Variants in EXD1 observed in about 807,000 individuals in gnomAD.
EXD1 encodes the protein piRNA biogenesis protein EXD1.
Under a neutral mutation model 49.1 loss-of-function variants are expected in EXD1, and 63 were observed. The observed-to-expected ratio is 1.28, with a 90% CI of 1.05 to 1.58. The LOEUF (loss-of-function observed/expected upper bound fraction) is 1.58, where lower values mean the gene tolerates loss of function less well. EXD1 is among the 40% of genes most tolerant of loss of function. EXD1 has a pLI of 0.00. For missense variants in EXD1, 748 were observed against 666.0 expected, an observed-to-expected ratio of 1.12 and a Z score of -1.36; for synonymous variants, 234 against 239.2, an observed-to-expected ratio of 0.98 and a Z score of 0.20.
chr15:41,198,705 A>G (rs992987042), intron 7 of EXD1, among the ~76,000 whole-genome samples: 8 of 151,370 alleles, frequency 5.3e-5, no homozygotes, highest in Non-Finnish European at 1.0e-4. Context: ...TTAATTAAAA[A>G]AAATTTTTTT....
At chr15:41,197,830 T>C (rs1237412153) in intron 7 of EXD1, among the ~76,000 whole-genome samples, 1 of 143,234 alleles carries the variant, frequency 7.0e-6, no homozygotes, top group African/African-American at 2.5e-5. Flanking sequence ...TTCACTATGT[T>C]GGCCAGGCTG....
At chr15:41,204,266 A>C (rs888495247) in intron 7 of EXD1, among the ~76,000 whole-genome samples, 33 of 125,222 alleles carry the variant, frequency 2.6e-4, no homozygotes, top group Non-Finnish European at 3.4e-5. Context: ...AAAAAAAAAA[A>C]TCAGCCAGGC....
At chr15:41,220,645 C>T (rs559598076) in intron 2 of EXD1, among the ~76,000 whole-genome samples, 1 of 152,156 alleles carries the variant, frequency 6.6e-6, no homozygotes, top group Non-Finnish European at 1.5e-5. Context: ...GATCCAAATC[C>T]TGGCTCTCCT....
intron 6 of EXD1, among the ~76,000 whole-genome samples, chr15:41,215,426 C>T (rs1322415886): frequency 6.6e-6 from 1 of 152,068 alleles, no homozygotes; most frequent in Non-Finnish European, 1.5e-5. Flanking sequence ...GTGGCTCATG[C>T]CTGTAATCCC....
At chr15:41,199,662 T>G (rs1225673191) in intron 7 of EXD1, among the ~76,000 whole-genome samples, 4 of 110,526 alleles carry the variant, frequency 3.6e-5, no homozygotes, top group African/African-American at 1.3e-4. Context: ...ATATATATGA[T>G]ATACACATTA....
rs759821677 is a variant in EXD1 at position 41,196,010 on chromosome 15, A to G, written c.562T>C (p.Phe188Leu). The G allele has an allele frequency of 4.3e-6, 7 of 1,613,346 alleles. No homozygotes were observed. Among genetic ancestry groups the G allele is most frequent in the Admixed American group, 1.7e-5 (1 of 59,874 alleles). The change falls in exon 8 of 12, where the codon TTT becomes CTT. Residue 188 changes from phenylalanine to leucine, a missense_variant. By Grantham distance (22) the Phe-to-Leu change is conservative (BLOSUM62 0). Coordinates refer to ENST00000458580, the MANE Select transcript of EXD1 (RefSeq NM_001286441.2). The part of the protein sequence containing the change: ...QVATNCRVYL[F>L]DIFLLGSRAF... ...CGACTTCCCAGAAGGAAAATGTCAA[A>G]TAAGTAAACTCGGCAATTTGTGGCC...
chr15:41,200,127 C>T (rs2046705038), intron 7 of EXD1, among the ~76,000 whole-genome samples: 1 of 151,998 alleles, frequency 6.6e-6, no homozygotes, highest in Non-Finnish European at 1.5e-5. Flanking sequence ...CCAGGTTAGT[C>T]TCCAACTCCG....
chr15:41,217,562 G>A (rs1233767212), intron 3 of EXD1, among the ~76,000 whole-genome samples: 3 of 129,508 alleles, frequency 2.3e-5, no homozygotes, highest in African/African-American at 3.2e-5. Flanking sequence ...ATGAAGTCTC[G>A]CACTGTTGCC....
chr15:41,205,878 T>TG (rs2046814851), intron 7 of EXD1, among the ~76,000 whole-genome samples: 1 of 149,116 alleles, frequency 6.7e-6, no homozygotes, highest in Non-Finnish European at 1.5e-5. Context: ...CTAAATTTGG[T>TG]CTTTTTTTTT....
intron 3 of EXD1, among the ~76,000 whole-genome samples, chr15:41,217,423 G>A (rs1260246868): frequency 6.6e-6 from 1 of 151,238 alleles, no homozygotes; most frequent in African/African-American, 2.4e-5. Context: ...CACCCTTTTT[G>A]TTCTAGGGTA....
chr15:41,230,341 C>G, intron 1 of EXD1, 138 bp downstream of exon 1: 1 of 848,570 alleles, frequency 1.2e-6, no homozygotes, highest in Non-Finnish European at 1.9e-6. Flanking sequence ...CCTCGGCCTC[C>G]CAAAGTGCTG....
intron 3 of EXD1, among the ~76,000 whole-genome samples, chr15:41,219,053 T>C (rs1030347931): frequency 6.6e-6 from 1 of 152,032 alleles, no homozygotes; most frequent in Non-Finnish European, 1.5e-5. Context: ...TCCTGATCTG[T>C]ACTCCTCCTT....
chr15:41,226,237 GC>G (rs1396668688), intron 2 of EXD1, among the ~76,000 whole-genome samples: 1 of 151,948 alleles, frequency 6.6e-6, no homozygotes, highest in Non-Finnish European at 1.5e-5. Flanking sequence ...GGGCAACAGA[GC>G]GAGACTCCAT....
At chr15:41,226,218 C>G (rs2047162861) in intron 2 of EXD1, among the ~76,000 whole-genome samples, 1 of 151,940 alleles carries the variant, frequency 6.6e-6, no homozygotes, top group African/African-American at 2.4e-5. Flanking sequence ...CGCCACTGCA[C>G]TCCAGCCTGG....
rs775600888 is a variant in EXD1 at position 41,184,306 on chromosome 15, T to A, written c.1344A>T (p.Thr448=). ...CTGTGGGAGGTAGATGTTGAGGATTTGTAGCTTGTTTATTCAAAGATTCTT... is the reference window on the plus strand; with the variant it reads ...CTGTGGGAGGTAGATGTTGAGGATTAGTAGCTTGTTTATTCAAAGATTCTT... The part of the protein sequence containing the change: ...LKEESLNKQA[T]NPQHLPPTEE... The change falls in exon 12 of 12, where the codon ACA becomes ACT. Residue 448 remains threonine, a synonymous_variant. Coordinates refer to ENST00000458580, the MANE Select transcript of EXD1 (RefSeq NM_001286441.2). 3.7e-6 allele frequency: 6 copies of A among 1,614,192 alleles called. No individual in the cohort carries two copies. Among genetic ancestry groups the A allele is most frequent in the Non-Finnish European group, 5.1e-6 (6 of 1,180,044 alleles).
intron 9 of EXD1, 70 bp downstream of exon 9, chr15:41,195,705 G>A: frequency 9.0e-7 from 1 of 1,113,916 alleles, no homozygotes. Flanking sequence ...CTCATCAGAT[G>A]ACCAGATGAG....
chr15:41,225,881 T>G (rs2047156257), intron 2 of EXD1, among the ~76,000 whole-genome samples: 1 of 147,136 alleles, frequency 6.8e-6, no homozygotes. Context: ...CAAGACAACA[T>G]CTCAAAAAAC....
chr15:41,210,903 C>G (rs1473617664), intron 6 of EXD1, among the ~76,000 whole-genome samples: 1 of 152,216 alleles, frequency 6.6e-6, no homozygotes, highest in East Asian at 1.9e-4. Flanking sequence ...ATAAAGTGTT[C>G]TCAATTCTGA....
chr15:41,190,860 T>C (rs895623085), intron 10 of EXD1, among the ~76,000 whole-genome samples: 10 of 152,060 alleles, frequency 6.6e-5, no homozygotes, highest in Non-Finnish European at 1.5e-4. Context: ...AATTTCCCCC[T>C]TGTCCCAGCT....
Sources: gnomAD v4.1 joint callset for allele counts (sites outside exome capture counted in the v4.1 genomes callset) on GRCh38, gnomAD v4.1.1 for gene constraint, MANE v1.5 for transcripts, NCBI Gene and HGNC (gene_info 2026-07-23, HGNC 2026-07-21) for gene names.